UGT1A7: variants seen among roughly 807,000 people sequenced by gnomAD.
UGT1A7 encodes the protein UDP-glucuronosyltransferase 1A7.
Under a neutral mutation model 45.6 loss-of-function variants are expected in UGT1A7, and 33 were observed. The ratio of observed to expected loss-of-function variants is 0.72; its 90% CI spans 0.55 to 0.97. The LOEUF is 0.97. UGT1A7 is among the 50% of genes least tolerant of loss of function. The pLI is 0.00. For synonymous variants in UGT1A7, 274 were observed against 250.6 expected, an observed-to-expected ratio of 1.09 and a Z score of -0.88; for missense variants, 684 against 666.2, an observed-to-expected ratio of 1.03 and a Z score of -0.29.
chr2:233,710,696 G>A (rs2076143599), intron 1 of UGT1A7, among the ~76,000 whole-genome samples: 1 of 152,172 alleles, frequency 6.6e-6, no homozygotes, highest in South Asian at 2.1e-4. Context: ...CTTCTGGTGT[G>A]TGGTGTCCTT....
chr2:233,755,990 C>G (rs1406862229), intron 1 of UGT1A7: 1 of 152,186 alleles, frequency 6.6e-6, no homozygotes, highest in East Asian at 1.9e-4. Context: ...CTCATGTCAG[C>G]TTCTGCATTC....
At chr2:233,767,532 T>C (rs183725309) in intron 2 of UGT1A7, among the ~76,000 whole-genome samples, 16 of 152,382 alleles carry the variant, frequency 1.0e-4, no homozygotes, top group Non-Finnish European at 2.1e-4. Context: ...ATGTCTTACA[T>C]TTCTGCTCTT....
chr2:233,767,956 T>G lies in UGT1A7; in HGVS notation c.1075+20T>G, dbSNP rs745426586. The G allele has an allele frequency of 3.1e-6, 5 of 1,614,074 alleles. No individual in the cohort carries two copies. The East Asian group carries it at 8.9e-5, about 29-fold the overall frequency. On this transcript the variant is annotated intron_variant, in intron 3 of 4. Transcript: ENST00000373426. ...TGCTTGGTATGTTGGGCGGATTGGATGTATAGGTCAAACCAGGGTCAAATT... is the reference window on the plus strand; with the variant it reads ...TGCTTGGTATGTTGGGCGGATTGGAGGTATAGGTCAAACCAGGGTCAAATT...
At chr2:233,694,323 T>G (rs764073921) in intron 1 of UGT1A7, among the ~76,000 whole-genome samples, 4 of 152,006 alleles carry the variant, frequency 2.6e-5, no homozygotes, top group Non-Finnish European at 5.9e-5. Flanking sequence ...TTTCCTTTTA[T>G]GTTGAGACCT....
Position 233,695,363 on chromosome 2 carries a change from G to A in UGT1A7, c.855+12571G>A, listed in dbSNP as rs375614605. ...ATGGTCTCAATCTCTTGACCTCGTGGTCCGCCCACCCCAGCCTCCCAAAGT... is the reference window on the plus strand; with the variant it reads ...ATGGTCTCAATCTCTTGACCTCGTGATCCGCCCACCCCAGCCTCCCAAAGT... On this transcript the variant is annotated intron_variant, in intron 1 of 4. Coordinates refer to ENST00000373426, the MANE Select transcript of UGT1A7 (RefSeq NM_019077.3). Among the ~76,000 whole-genome samples the A allele has an allele frequency of 4.4e-3, 673 of 151,584 alleles. 7 individuals carry two copies. Among genetic ancestry groups the A allele is most frequent in the African/African-American group, 0.016 (648 of 41,388 alleles).
rs45516494 is a variant in UGT1A7 at position 233,719,303 on chromosome 2, G to A, written c.855+36511G>A. 3.5e-4 allele frequency: 567 copies of A among 1,613,968 alleles called. 2 individuals carry two copies. In the African/African-American group the frequency reaches 6.9e-3, roughly 20 times the overall value. ...CCGTTAACCTCTGTGGGGCGGTGCTGGCTAAGTACCTGTCGATTCCTGCTG... is the reference window on the plus strand; with the variant it reads ...CCGTTAACCTCTGTGGGGCGGTGCTAGCTAAGTACCTGTCGATTCCTGCTG... On this transcript the variant is annotated intron_variant, in intron 1 of 4. Transcript: ENST00000373426.
chr2:233,745,240 T>C (rs1693048466), intron 1 of UGT1A7, among the ~76,000 whole-genome samples: 1 of 151,858 alleles, frequency 6.6e-6, no homozygotes, highest in Non-Finnish European at 1.5e-5. Flanking sequence ...CACTATTTAC[T>C]GTATCGAAAC....
At chr2:233,739,657 C>A (rs772609637) in intron 1 of UGT1A7, among the ~76,000 whole-genome samples, 1 of 152,202 alleles carries the variant, frequency 6.6e-6, no homozygotes, top group Admixed American at 6.5e-5. Context: ...TTCTGTACCC[C>A]CATTGTGTCT....
intron 1 of UGT1A7, chr2:233,693,349 C>T: frequency 1.2e-6 from 2 of 1,614,196 alleles, no homozygotes; most frequent in East Asian, 4.5e-5. Context: ...ACAGGAATAA[C>T]ATGATTGTTA....
At chr2:233,714,989 G>A (rs1270909733) in intron 1 of UGT1A7, among the ~76,000 whole-genome samples, 3 of 152,078 alleles carry the variant, frequency 2.0e-5, no homozygotes, top group South Asian at 2.1e-4. Flanking sequence ...TGATTCTCCT[G>A]CCTCAGCCTC....
At chr2:233,743,501 G>T (rs1559387094) in intron 1 of UGT1A7, 1 of 1,367,188 alleles carries the variant, frequency 7.3e-7, no homozygotes, top group Non-Finnish European at 9.8e-7. Flanking sequence ...GAGAAAAGGG[G>T]TGCAGACGCT....
chr2:233,772,520 A>C lies in UGT1A7; in HGVS notation c.1554A>C (p.Lys518Asn). The change falls in exon 5 of 5, where the codon AAA (lysine) becomes AAC (asparagine). Residue 518 changes from lysine (K) to asparagine (N), a missense_variant. Coordinates refer to ENST00000373426, the MANE Select transcript of UGT1A7 (RefSeq NM_019077.3). ...AYGYRKCLGK[K>N]GRVKKAHKSK... is the part of the protein sequence containing the mutation. ...GCTACCGGAAATGCTTGGGGAAAAA[A>C]GGGCGAGTTAAGAAAGCCCACAAAT... 1.2e-6 allele frequency: 2 copies of C among 1,614,206 alleles called. No individual in the cohort carries two copies. Among genetic ancestry groups the C allele is most frequent in the Non-Finnish European group, 1.7e-6 (2 of 1,180,032 alleles).
chr2:233,734,229 A>T (rs907561316), intron 1 of UGT1A7, among the ~76,000 whole-genome samples: 6 of 152,114 alleles, frequency 3.9e-5, no homozygotes, highest in African/African-American at 1.2e-4. Context: ...TCAGAGATTC[A>T]ACTTCTTCCT....
At chr2:233,705,423 T>C (rs935031731) in intron 1 of UGT1A7, among the ~76,000 whole-genome samples, 2 of 152,256 alleles carry the variant, frequency 1.3e-5, no homozygotes, top group Non-Finnish European at 2.9e-5. Context: ...CAGAGGTGGC[T>C]CATAACTTAT....
chr2:233,757,196 T>A (rs1166696212), intron 1 of UGT1A7, among the ~76,000 whole-genome samples: 4 of 150,888 alleles, frequency 2.7e-5, no homozygotes, highest in Admixed American at 6.6e-5. Flanking sequence ...CTCTGAATTT[T>A]CTGTGCCCAG....
chr2:233,768,331 A>G lies in UGT1A7; in HGVS notation c.1187A>G (p.Asp396Gly), dbSNP rs779591634. The change falls in exon 4 of 5, where the codon GAC (aspartate) becomes GGC (glycine). Residue 396 changes from aspartate (D) to glycine (G), a missense_variant. Transcript: ENST00000373426. ...ATGCCCTTGTTTGGTGATCAGATGG[A>G]CAATGCAAAGCGCATGGAGACTAAG... ...VMMPLFGDQM[D>G]NAKRMETKGA... 1 of 1,614,198 alleles carries G rather than the reference A, an allele frequency of 6.2e-7. No homozygotes were observed. Among genetic ancestry groups the G allele is most frequent in the Admixed American group, 1.7e-5 (1 of 60,024 alleles).
At position 233,769,766 on chromosome 2, in the gene UGT1A7, G is replaced by A; in HGVS notation, c.1295+1327G>A. On this transcript the variant is annotated intron_variant, in intron 4 of 4. Transcript: ENST00000373426. The surrounding 1 kb of genome is among the most constrained non-coding windows in gnomAD (Gnocchi z 4.4). The stretch of plus-strand genomic sequence containing the variant: ...GCCACTCTGGAGGCTAAGGCGGGAG[G>A]ATTGCTTGAGCCCAGAAGTTGGAGG... The A allele has an allele frequency of 1.4e-6, 2 of 1,395,536 alleles. No homozygotes were observed. Among genetic ancestry groups the A allele is most frequent in the South Asian group, 1.6e-5 (1 of 62,382 alleles). The allele number at this position is 1,395,536 out of a possible 1,614,324, so 86.4% of individuals were successfully genotyped here.
intron 1 of UGT1A7, chr2:233,690,657 C>G: frequency 7.8e-7 from 1 of 1,280,662 alleles, no homozygotes; most frequent in East Asian, 5.6e-5. Context: ...TCCTACAGCA[C>G]CAACCAGGGC....
chr2:233,768,568 G>A, intron 4 of UGT1A7, 129 bp downstream of exon 4: 1 of 1,402,764 alleles, frequency 7.1e-7, no homozygotes, highest in Non-Finnish European at 9.3e-7. Context: ...TAAAAATCTG[G>A]ATTTTTATTT....
Sources: allele counts gnomAD v4.1 joint callset (sites outside exome capture counted in the v4.1 genomes callset), GRCh38; gene constraint gnomAD v4.1.1; non-coding constraint Gnocchi (gnomAD v3.1); transcripts MANE v1.5; gene names NCBI Gene and HGNC (gene_info 2026-07-23, HGNC 2026-07-21).